ZZEF1: variants seen among roughly 807,000 people sequenced by gnomAD.
ZZEF1 encodes zinc finger ZZ-type and EF-hand domain-containing protein 1.
ZZEF1 carries 157 observed loss-of-function variants against 342.8 expected under a neutral mutation model. That is an observed-to-expected ratio of 0.46 (90% CI 0.40 to 0.52). The LOEUF is 0.52. Among genes scored for constraint, ZZEF1 ranks in the 20% least tolerant of loss-of-function variants. The pLI is 0.00. For missense variants in ZZEF1, 3,480 were observed against 3,725.6 expected (o/e 0.93, Z 1.72); for synonymous variants, 1,505 against 1,429.1 (o/e 1.05, Z -1.20).
chr17:4,067,117 T>C lies in ZZEF1; in HGVS notation c.4155+46A>G, dbSNP rs368600962. ...TCATCTTAATTCCATGATATCACGG[T>C]AGAAAACCTAAAATATAGCAAAATC... On this transcript the variant is annotated intron_variant, in intron 27 of 54. Transcript: ENST00000381638. 104 of 1,506,844 alleles carry C rather than the reference T, an allele frequency of 6.9e-5. No homozygotes were observed. In the African/African-American group the frequency reaches 1.3e-3, roughly 19 times the overall value. The allele number at this position is 1,506,844 out of a possible 1,614,324, so 93.3% of individuals were successfully genotyped here.
Position 4,049,722 on chromosome 17 carries a change from A to G in ZZEF1, c.6001T>C (p.Ser2001Pro). 1.2e-6 allele frequency: 2 copies of G among 1,613,930 alleles called. No homozygotes were observed. Among genetic ancestry groups the G allele is most frequent in the Non-Finnish European group, 1.7e-6 (2 of 1,179,968 alleles). Residue 2001 changes from serine (S) to proline (P), a missense_variant, in exon 37 of 55, where the codon TCA becomes CCA. Coordinates refer to ENST00000381638, the MANE Select transcript of ZZEF1 (RefSeq NM_015113.4). ...EKKAVQGAEL[S>P]EAGNGKRAVH... ...TCGTCATTTACATTGCCTGCTTCTG[A>G]CAGCTCAGCACCCTGGACAGCTTTC...
chr17:4,063,002 C>A, intron 29 of ZZEF1, 85 bp from the exon 30 acceptor site: 2 of 1,378,884 alleles, frequency 1.5e-6, no homozygotes, highest in South Asian at 1.5e-5. Context: ...GCCCTGATGC[C>A]ATATATCAAA....
intron 21 of ZZEF1, 182 bp downstream of exon 21, chr17:4,076,455 G>A: frequency 1.4e-6 from 1 of 735,888 alleles, no homozygotes; most frequent in Non-Finnish European, 2.1e-6. Flanking sequence ...TTCTAATGCT[G>A]ACCAGGCCAC....
intron 1 of ZZEF1, among the ~76,000 whole-genome samples, chr17:4,130,335 C>T (rs947019732): frequency 6.6e-6 from 1 of 152,010 alleles, no homozygotes; most frequent in Non-Finnish European, 1.5e-5. Flanking sequence ...TACCTGTAGT[C>T]CCAGCTACTA....
intron 9 of ZZEF1, among the ~76,000 whole-genome samples, chr17:4,098,038 G>C (rs2058067575): frequency 1.3e-5 from 2 of 151,754 alleles, no homozygotes; most frequent in Admixed American, 1.3e-4. Context: ...AGGAGTTCGA[G>C]ACGAGCCTGG....
intron 9 of ZZEF1, among the ~76,000 whole-genome samples, chr17:4,097,178 G>A (rs1039638187): frequency 3.3e-5 from 5 of 151,484 alleles, no homozygotes; most frequent in African/African-American, 9.7e-5. Context: ...GGAGAATGGC[G>A]TGAACCCGGG....
intron 6 of ZZEF1, 106 bp from the exon 7 acceptor site, chr17:4,105,915 G>T: frequency 1.2e-6 from 1 of 848,474 alleles, no homozygotes. Context: ...TAAACAGACA[G>T]TGTTCCCACA....
At chr17:4,092,250 G>A (rs1382385601) in intron 11 of ZZEF1, among the ~76,000 whole-genome samples, 1 of 150,622 alleles carries the variant, frequency 6.6e-6, no homozygotes, top group Non-Finnish European at 1.5e-5. Context: ...GGGAATTATG[G>A]CAAGAAGACA....
intron 34 of ZZEF1, among the ~76,000 whole-genome samples, chr17:4,052,562 T>A (rs1178805767): frequency 6.6e-6 from 1 of 151,922 alleles, no homozygotes; most frequent in Non-Finnish European, 1.5e-5. Context: ...AATAAAAAAA[T>A]AAAAATTAAA....
intron 13 of ZZEF1, 129 bp from the exon 14 acceptor site, chr17:4,087,663 G>A: frequency 2.6e-6 from 2 of 770,506 alleles, no homozygotes; most frequent in South Asian, 2.0e-5. Context: ...TCATATTACT[G>A]ATGCTTACTC....
chr17:4,028,725 C>T (rs1454024451), intron 42 of ZZEF1, among the ~76,000 whole-genome samples: 4 of 151,988 alleles, frequency 2.6e-5, no homozygotes, highest in Non-Finnish European at 5.9e-5. Flanking sequence ...ATGTGAAACC[C>T]ATGGATATGA....
chr17:4,009,833 C>T (rs538586017), intron 52 of ZZEF1, 76 bp from the exon 53 acceptor site: 2 of 1,524,248 alleles, frequency 1.3e-6, no homozygotes, highest in East Asian at 2.3e-5. Flanking sequence ...CTGGCAGGAA[C>T]CACAGCTCAG....
chr17:4,044,116 C>T (rs2145123628), intron 38 of ZZEF1, 108 bp downstream of exon 38: 1 of 1,247,020 alleles, frequency 8.0e-7, no homozygotes, highest in Middle Eastern at 2.0e-4. Flanking sequence ...AAACCACGCA[C>T]CCCTGGCGTC....
chr17:4,010,355 T>TA (rs11290283), intron 52 of ZZEF1, among the ~76,000 whole-genome samples: 40 of 147,838 alleles, frequency 2.7e-4, no homozygotes, highest in East Asian at 4.0e-4. Flanking sequence ...CCTTGTCTCT[T>TA]AAAAAAAAAA....
intron 39 of ZZEF1, among the ~76,000 whole-genome samples, chr17:4,036,053 T>C (rs1295312491): frequency 6.8e-6 from 1 of 146,482 alleles, no homozygotes; most frequent in Non-Finnish European, 1.5e-5. Context: ...TGAGCCGAGA[T>C]TGCACCACTG....
intron 9 of ZZEF1, among the ~76,000 whole-genome samples, chr17:4,100,567 T>C (rs1327816535): frequency 6.6e-6 from 1 of 152,170 alleles, no homozygotes; most frequent in Admixed American, 6.5e-5. Flanking sequence ...CCAGGAGAAA[T>C]GCCCGTGAAC....
At position 4,006,635 on chromosome 17, in the gene ZZEF1, C is replaced by T. The variant is rs1285491365; in HGVS notation, c.*255G>A. ...TGGAGAAGGCTGGTCTCTGAACCTT[C>T]TTAAGGGCCCCCTGCCCACCCTTTC... On this transcript the variant is annotated 3_prime_UTR_variant, in exon 55 of 55. Transcript: ENST00000381638. 3 of 526,746 alleles carry T rather than the reference C, an allele frequency of 5.7e-6. No homozygotes were observed. The highest frequency in any genetic ancestry group is 3.5e-5 in the East Asian group (1 of 28,608). 32.6% of individuals were successfully genotyped at this position (526,746 alleles called of 1,614,324 possible).
Position 4,058,111 on chromosome 17 carries a change from T to A in ZZEF1, c.5048A>T (p.His1683Leu). ...GGGTTCCCAGCCCATATCCAAAAGATGAAGCAGGGCTGTCTGAACACAGGA... is the reference window on the plus strand; with the variant it reads ...GGGTTCCCAGCCCATATCCAAAAGAAGAAGCAGGGCTGTCTGAACACAGGA... ...ALSCVQTALL[H>L]LLDMGWEPND... The change falls in exon 32 of 55, where the codon CAT becomes CTT. Residue 1683 changes from histidine (H) to leucine (L), a missense_variant. This residue lies in a region of ZZEF1 where 1,528 missense variants were observed against 1,624.1 expected (regional missense o/e 0.94). Coordinates refer to ENST00000381638, the MANE Select transcript of ZZEF1 (RefSeq NM_015113.4). The A allele has an allele frequency of 6.2e-7, 1 of 1,613,986 alleles. No individual in the cohort carries two copies. The highest frequency in any genetic ancestry group is 8.5e-7 in the Non-Finnish European group (1 of 1,179,958).
At chr17:4,046,625 T>TA (rs1334659937) in intron 37 of ZZEF1, among the ~76,000 whole-genome samples, 1 of 152,174 alleles carries the variant, frequency 6.6e-6, no homozygotes, top group African/African-American at 2.4e-5. Flanking sequence ...AATGTGACTG[T>TA]AAGACTGTCC....
Sources: allele counts gnomAD v4.1 joint callset (sites outside exome capture counted in the v4.1 genomes callset), GRCh38; gene constraint gnomAD v4.1.1; regional missense constraint gnomAD v4.1.1; transcripts MANE v1.5; gene names NCBI Gene and HGNC (gene_info 2026-07-23, HGNC 2026-07-21).